DLGAP1: variants seen among roughly 807,000 people sequenced by gnomAD.
DLGAP1 encodes the protein disks large-associated protein 1.
Under a neutral mutation model 90.8 loss-of-function variants are expected in DLGAP1, and 11 were observed. The ratio of observed to expected loss-of-function variants is 0.12; its 90% CI spans 0.08 to 0.20. DLGAP1 has a LOEUF of 0.20. Among genes scored for constraint, DLGAP1 ranks in the 10% least tolerant of loss-of-function variants. DLGAP1 has a pLI of 1.00. For synonymous variants in DLGAP1, 558 were observed against 540.7 expected (o/e 1.03, Z -0.44); for missense variants, 1,050 against 1,333.8 (o/e 0.79, Z 3.31).
intron 2 of DLGAP1, among the ~76,000 whole-genome samples, chr18:4,126,383 A>G (rs1472459291): frequency 6.6e-6 from 1 of 152,228 alleles, no homozygotes; most frequent in Non-Finnish European, 1.5e-5. Flanking sequence ...AGGAAAATAC[A>G]AAGCTTGTTT....
chr18:3,599,829 G>C (rs2056796765), intron 7 of DLGAP1, among the ~76,000 whole-genome samples: 1 of 152,120 alleles, frequency 6.6e-6, no homozygotes, highest in Non-Finnish European at 1.5e-5. Flanking sequence ...ATGTGGGCCA[G>C]GATGGTCTCG....
At position 4,440,120 on chromosome 18, in the gene DLGAP1, CAAAAAAA is replaced by C. The variant is rs35152199; in HGVS notation, c.-267+14879_-267+14885del. Among the ~76,000 whole-genome samples the C allele has an allele frequency of 1.2e-4, 6 of 49,350 alleles. No individual in the cohort carries two copies. In the East Asian group the frequency reaches 1.9e-3, roughly 16 times the overall value. The allele number at this position is 49,350 out of a possible 152,430, so 32.4% of individuals were successfully genotyped here. ...GGGTGACAGAGTGAGACTCCGTCAC[CAAAAAAA>C]AAAAAAAAAAAAAAAAATAGAGAGA... On this transcript the variant is annotated intron_variant, in intron 1 of 12. Coordinates refer to ENST00000315677, the MANE Select transcript of DLGAP1 (RefSeq NM_004746.4).
At chr18:4,387,408 ATGT>A (rs1164733101) in intron 1 of DLGAP1, among the ~76,000 whole-genome samples, 2 of 152,228 alleles carry the variant, frequency 1.3e-5, no homozygotes, top group Non-Finnish European at 2.9e-5. Flanking sequence ...TGATTTTAAA[ATGT>A]TATTATAAGT....
intron 9 of DLGAP1, among the ~76,000 whole-genome samples, chr18:3,556,505 C>G (rs763988643): frequency 2.0e-5 from 3 of 152,158 alleles, no homozygotes; most frequent in Non-Finnish European, 4.4e-5. Context: ...TGGAATCATA[C>G]AGTATATAGA....
chr18:3,898,237 G>T (rs1253120684), intron 3 of DLGAP1, among the ~76,000 whole-genome samples: 1 of 152,162 alleles, frequency 6.6e-6, no homozygotes, highest in East Asian at 1.9e-4. Flanking sequence ...AAAAGCTTTG[G>T]ATTCTACAGC....
chr18:4,024,852 T>C (rs1431117531), intron 2 of DLGAP1, among the ~76,000 whole-genome samples: 1 of 152,100 alleles, frequency 6.6e-6, no homozygotes, highest in African/African-American at 2.4e-5. Flanking sequence ...TGGGGAGCTG[T>C]GGTGTTCGAG....
rs2078427772 is a variant in DLGAP1, at chr18:4,236,890, GAGATGTGCTTCGTGGCACAATTT to G, written c.-266-85626_-266-85604del. ...AGCAAACATTTATTGAGCAGTTAAA[GAGATGTGCTTCGTGGCACAATTT>G]AGCATGGGAAAAACATATAAACAGT... On this transcript the variant is annotated intron_variant, in intron 1 of 12. Coordinates refer to ENST00000315677, the MANE Select transcript of DLGAP1 (RefSeq NM_004746.4). 5.9e-5 allele frequency among the ~76,000 whole-genome samples: 9 copies of G among 152,258 alleles called. No individual in the cohort carries two copies. In the South Asian group the frequency reaches 1.9e-3, roughly 32 times the overall value.
At chr18:4,059,877 G>A (rs67450223) in intron 2 of DLGAP1, among the ~76,000 whole-genome samples, 1 of 152,126 alleles carries the variant, frequency 6.6e-6, no homozygotes, top group Non-Finnish European at 1.5e-5. Flanking sequence ...AGAAATGCAA[G>A]ATGCAGAGGC....
chr18:3,903,342 A>G (rs1352486205), intron 3 of DLGAP1, among the ~76,000 whole-genome samples: 1 of 152,178 alleles, frequency 6.6e-6, no homozygotes, highest in Non-Finnish European at 1.5e-5. Context: ...CCTCCTTTTA[A>G]TAAAGGATAT....
intron 1 of DLGAP1, among the ~76,000 whole-genome samples, chr18:4,262,990 T>C (rs1339305713): frequency 6.6e-6 from 1 of 152,130 alleles, no homozygotes; most frequent in Non-Finnish European, 1.5e-5. Context: ...TAGAGTGCAG[T>C]GGTGTGATTT....
Position 4,408,264 on chromosome 18 carries a change from C to T in DLGAP1, c.-267+46742G>A, listed in dbSNP as rs183357261. Among the ~76,000 whole-genome samples, 355 of 152,108 alleles carry T rather than the reference C, an allele frequency of 2.3e-3. 2 individuals are homozygous for T. Among genetic ancestry groups the T allele is most frequent in the Non-Finnish European group, 4.2e-3 (283 of 67,988 alleles). On this transcript the variant is annotated intron_variant, in intron 1 of 12. Transcript: ENST00000315677. ...TAGTGGTTACAATGCTGTGCGTATT[C>T]GTGTGGGTGTGTTGCAGGGGGTGGG...
chr18:3,937,310 G>C (rs1208166399), intron 3 of DLGAP1, among the ~76,000 whole-genome samples: 4 of 152,144 alleles, frequency 2.6e-5, no homozygotes, highest in Admixed American at 2.6e-4. Context: ...CTGTGATTGT[G>C]GGGAGGCCTC....
intron 2 of DLGAP1, among the ~76,000 whole-genome samples, chr18:4,143,525 C>T (rs2076530617): frequency 6.6e-6 from 1 of 151,910 alleles, no homozygotes; most frequent in South Asian, 2.1e-4. Context: ...AGGTTCCCCT[C>T]TGGCCCAGGG....
intron 12 of DLGAP1, among the ~76,000 whole-genome samples, chr18:3,501,981 T>C (rs2049964251): frequency 6.6e-6 from 1 of 150,908 alleles, no homozygotes; most frequent in Non-Finnish European, 1.5e-5. Flanking sequence ...CCAACATTTA[T>C]GTAATTACTG....
chr18:3,733,555 A>G (rs2062525283), intron 6 of DLGAP1, among the ~76,000 whole-genome samples: 1 of 152,060 alleles, frequency 6.6e-6, no homozygotes, highest in Non-Finnish European at 1.5e-5. Flanking sequence ...ACATCCCACC[A>G]TGTTTACAAA....
At chr18:4,160,869 A>G (rs2076832573) in intron 1 of DLGAP1, among the ~76,000 whole-genome samples, 2 of 152,136 alleles carry the variant, frequency 1.3e-5, no homozygotes, top group African/African-American at 4.8e-5. Context: ...AGATATTATT[A>G]TCATTATCCC....
chr18:4,407,969 T>C (rs570943867), intron 1 of DLGAP1, among the ~76,000 whole-genome samples: 1 of 152,188 alleles, frequency 6.6e-6, no homozygotes, highest in Non-Finnish European at 1.5e-5. Context: ...GGTGCTATCA[T>C]ACACTCTGGG....
At chr18:4,309,317 G>A (rs998280760) in intron 1 of DLGAP1, among the ~76,000 whole-genome samples, 5 of 152,166 alleles carry the variant, frequency 3.3e-5, no homozygotes, top group Non-Finnish European at 7.3e-5. Context: ...CTAAATATAT[G>A]GCGGAAGATA....
At chr18:3,845,108 A>G in intron 4 of DLGAP1, 3 of 1,238,298 alleles carry the variant, frequency 2.4e-6, no homozygotes, top group Non-Finnish European at 3.4e-6. Flanking sequence ...CCCAGTTCAC[A>G]GACATCATGA....
Sources: allele counts gnomAD v4.1 joint callset (sites outside exome capture counted in the v4.1 genomes callset), GRCh38; gene constraint gnomAD v4.1.1; transcripts MANE v1.5; gene names NCBI Gene and HGNC (gene_info 2026-07-23, HGNC 2026-07-21).